SORCS3: variants seen among roughly 807,000 people sequenced by gnomAD.
SORCS3 encodes VPS10 domain-containing receptor SorCS3.
SORCS3 carries 57 observed loss-of-function variants against 146.3 expected under a neutral mutation model. That is an observed-to-expected ratio of 0.39 (90% CI 0.31 to 0.49). The LOEUF is 0.49. Ranked by LOEUF, SORCS3 falls within the 20% of genes least tolerant of loss-of-function variation. The pLI is 0.92. For missense variants in SORCS3, 1,341 were observed against 1,575.5 expected, an observed-to-expected ratio of 0.85 and a Z score of 2.52; for synonymous variants, 653 against 618.5, an observed-to-expected ratio of 1.06 and a Z score of -0.83.
chr10:105,164,327 A>G lies in SORCS3; in HGVS notation c.1757A>G (p.Tyr586Cys). 1.2e-6 allele frequency: 2 copies of G among 1,613,674 alleles called. No individual in the cohort carries two copies. The highest frequency in any genetic ancestry group is 8.5e-7 in the Non-Finnish European group (1 of 1,179,694). Residue 586 changes from tyrosine (Y) to cysteine (C), a missense_variant, in exon 12 of 27, where the codon TAT (tyrosine) becomes TGT (cysteine). Transcript: ENST00000369701. ...ATGNIGPELS[Y>C]TDIGVFISSD... ...GGCAACATTGGCCCGGAGCTCTCAT[A>G]TACTGATATTGGTGTGTTCATCTCC...
intron 2 of SORCS3, among the ~76,000 whole-genome samples, chr10:104,915,247 C>T (rs2019013215): frequency 6.6e-6 from 1 of 152,160 alleles, no homozygotes. Context: ...ACCCTGGACA[C>T]ACCCACATCG....
chr10:105,163,878 G>GCACACACACA (rs1252153357), intron 11 of SORCS3, among the ~76,000 whole-genome samples: 1 of 112,418 alleles, frequency 8.9e-6, no homozygotes, highest in Non-Finnish European at 1.9e-5. Context: ...ACACAGTTAC[G>GCACACACACA]CACATACACA....
chr10:104,662,752 T>C (rs908619779), intron 1 of SORCS3, among the ~76,000 whole-genome samples: 2 of 152,060 alleles, frequency 1.3e-5, no homozygotes, highest in African/African-American at 4.8e-5. Flanking sequence ...GGCTTGGAGG[T>C]GAGAAGTAAT....
chr10:104,847,923 G>T (rs978037292), intron 2 of SORCS3, among the ~76,000 whole-genome samples: 10 of 151,868 alleles, frequency 6.6e-5, no homozygotes, highest in South Asian at 4.2e-4. Flanking sequence ...GGATTCCCAG[G>T]CACTTCCTGC....
intron 1 of SORCS3, among the ~76,000 whole-genome samples, chr10:104,825,032 T>G (rs1250332090): frequency 6.6e-6 from 1 of 152,226 alleles, no homozygotes; most frequent in Non-Finnish European, 1.5e-5. Flanking sequence ...AAGCAAGCAT[T>G]GGCATGCAGG....
At chr10:104,842,762 T>G in intron 1 of SORCS3, 30 bp from the exon 2 acceptor site, 1 of 1,583,998 alleles carries the variant, frequency 6.3e-7, no homozygotes, top group Non-Finnish European at 8.7e-7. Context: ...TTTGTTCCTC[T>G]CCTTTGCCCT....
rs952621465 is a variant in SORCS3 at position 104,901,544 on chromosome 10, A to C, written c.696-14289A>C. The stretch of plus-strand genomic sequence containing the variant: ...GTCCTTGTCCTCAGAGTTTTATCTA[A>C]TAGCACTCTTGAGCCCCTTTCCTAA... On this transcript the variant is annotated intron_variant, in intron 2 of 26. Transcript: ENST00000369701. Among the ~76,000 whole-genome samples, 17 of 152,174 alleles carry C rather than the reference A, an allele frequency of 1.1e-4. 1 individual carries two copies. The highest frequency in any genetic ancestry group is 4.1e-4 in the African/African-American group (17 of 41,442).
intron 14 of SORCS3, among the ~76,000 whole-genome samples, chr10:105,178,547 C>T (rs2056422976): frequency 6.6e-6 from 1 of 152,054 alleles, no homozygotes; most frequent in South Asian, 2.1e-4. Flanking sequence ...GTAAAACAGT[C>T]AACTTATTGA....
intron 4 of SORCS3, among the ~76,000 whole-genome samples, chr10:105,041,553 C>T (rs1244224693): frequency 6.6e-6 from 1 of 150,896 alleles, no homozygotes; most frequent in African/African-American, 2.4e-5. Context: ...ATAAAACTGT[C>T]TCTACTAGAC....
At chr10:104,760,873 A>G (rs1412868590) in intron 1 of SORCS3, among the ~76,000 whole-genome samples, 1 of 152,106 alleles carries the variant, frequency 6.6e-6, no homozygotes, top group Non-Finnish European at 1.5e-5. Flanking sequence ...TGCTCTTAAC[A>G]ATGAGGATTC....
intron 1 of SORCS3, among the ~76,000 whole-genome samples, chr10:104,681,896 G>A (rs1319275033): frequency 6.6e-6 from 1 of 152,102 alleles, no homozygotes; most frequent in Admixed American, 6.5e-5. Context: ...CTAATACTAT[G>A]TTCCCCTCCA....
At chr10:105,078,033 C>T (rs551954664) in intron 5 of SORCS3, among the ~76,000 whole-genome samples, 6 of 152,258 alleles carry the variant, frequency 3.9e-5, no homozygotes, top group Non-Finnish European at 7.4e-5. Flanking sequence ...TTTCACAGGA[C>T]GATCACATTT....
At chr10:104,822,327 C>G (rs2017883007) in intron 1 of SORCS3, among the ~76,000 whole-genome samples, 1 of 152,176 alleles carries the variant, frequency 6.6e-6, no homozygotes, top group South Asian at 2.1e-4. Context: ...CTTGCTGTAA[C>G]TAAGATATGT....
At chr10:104,977,243 A>G (rs1317302892) in intron 3 of SORCS3, 92 bp from the exon 4 acceptor site, 1 of 1,073,306 alleles carries the variant, frequency 9.3e-7, no homozygotes, top group African/African-American at 1.6e-5. Context: ...GCTATGGTGT[A>G]CAAATACAGA....
At chr10:104,797,121 G>C (rs2017565613) in intron 1 of SORCS3, among the ~76,000 whole-genome samples, 1 of 152,120 alleles carries the variant, frequency 6.6e-6, no homozygotes, top group Non-Finnish European at 1.5e-5. Context: ...CTTTTAAGAA[G>C]GATGAAATTC....
chr10:104,846,016 A>G (rs550697768), intron 2 of SORCS3, among the ~76,000 whole-genome samples: 3 of 152,284 alleles, frequency 2.0e-5, no homozygotes, highest in African/African-American at 7.2e-5. Flanking sequence ...CAGATCACAG[A>G]TTCCATATGG....
intron 2 of SORCS3, among the ~76,000 whole-genome samples, chr10:104,870,547 CTT>C (rs2018508793): frequency 1.3e-5 from 2 of 152,032 alleles, no homozygotes; most frequent in South Asian, 4.1e-4. Flanking sequence ...TGGAGAGAGA[CTT>C]TTGAGGGAGG....
intron 5 of SORCS3, among the ~76,000 whole-genome samples, chr10:105,065,957 A>G (rs1376833781): frequency 6.6e-6 from 1 of 152,216 alleles, no homozygotes. Flanking sequence ...TTAAACTTTG[A>G]AAAGTAGCTC....
chr10:104,948,444 T>C (rs1057155798), intron 3 of SORCS3, among the ~76,000 whole-genome samples: 2 of 152,000 alleles, frequency 1.3e-5, no homozygotes, highest in African/African-American at 4.8e-5. Context: ...TGGAGGTAAG[T>C]GGAATAGAAT....
Sources: gnomAD v4.1 joint callset for allele counts (sites outside exome capture counted in the v4.1 genomes callset) on GRCh38, gnomAD v4.1.1 for gene constraint, MANE v1.5 for transcripts, NCBI Gene and HGNC (gene_info 2026-07-23, HGNC 2026-07-21) for gene names.